The following CLN8 variants were observed in gnomAD, a reference collection of about 807,000 sequenced individuals.
CLN8 encodes the protein CLN8 transmembrane ER and ERGIC protein.
A neutral mutation model predicts 15.7 loss-of-function variants in CLN8; 14 were observed. The observed-to-expected ratio is 0.89, with a 90% CI of 0.59 to 1.39. CLN8 has a LOEUF of 1.39. Among genes scored for constraint, CLN8 ranks in the 40% most tolerant of loss-of-function variants. The pLI is 0.00. For synonymous variants in CLN8, 188 were observed against 151.0 expected, an observed-to-expected ratio of 1.25 and a Z score of -1.80; for missense variants, 415 against 364.0, an observed-to-expected ratio of 1.14 and a Z score of -1.14.
upstream of CLN8, chr8:1,759,360 A>G (rs1264433167): frequency 2.0e-5 from 3 of 152,264 alleles, no homozygotes; most frequent in African/African-American, 7.2e-5. Flanking sequence ...CTCTGAGTGT[A>G]AGAAGAAAAA....
At chr8:1,755,349 C>T (rs138861798), upstream of CLN8, among the ~76,000 whole-genome samples, 1 of 152,234 alleles carries the variant, frequency 6.6e-6, no homozygotes, top group East Asian at 1.9e-4. Context: ...GATTGGATCC[C>T]CACCCGACTC....
At chr8:1,779,041 A>G (rs761395203) in intron 2 of CLN8, among the ~76,000 whole-genome samples, 2 of 152,190 alleles carry the variant, frequency 1.3e-5, no homozygotes, top group Non-Finnish European at 2.9e-5. Flanking sequence ...CAGCTCATGT[A>G]ATTCAGTGAA....
intron 2 of CLN8, chr8:1,772,951 A>G (rs1801372995): frequency 2.5e-6 from 1 of 398,528 alleles, no homozygotes; most frequent in African/African-American, 2.1e-5. Context: ...GAGGAAAAAT[A>G]AGCATAACAA....
intron 1 of CLN8, among the ~76,000 whole-genome samples, chr8:1,766,109 C>G (rs976543597): frequency 6.6e-6 from 1 of 152,198 alleles, no homozygotes; most frequent in Non-Finnish European, 1.5e-5. Flanking sequence ...AGCTAACACT[C>G]TTACTGATGT....
rs375047450 is a variant in CLN8, at chr8:1,784,501, A to G, written c.*3934A>G. ...GGCCCCACCTCTTAATACCACCGCA[A>G]TGACAATTACAATGTCATGTGAATT... On this transcript the variant is annotated 3_prime_UTR_variant, in exon 3 of 3. Transcript: ENST00000331222. The G allele has an allele frequency of 2.6e-5, 4 of 152,234 alleles. No homozygotes were observed. The highest frequency in any genetic ancestry group is 7.2e-5 in the African/African-American group (3 of 41,444). 9.4% of individuals were successfully genotyped at this position (152,234 alleles called of 1,614,324 possible). A position where few individuals can be genotyped will look rare whatever the true frequency, so the allele number is the denominator to read the frequency against.
chr8:1,756,082 G>A (rs1447166555), exon 1 of CLN8: 1 of 152,198 alleles, frequency 6.6e-6, no homozygotes, highest in East Asian at 1.9e-4. Flanking sequence ...AAAACTCTTA[G>A]GTAAGTTTTC....
At chr8:1,763,112 G>A (rs1585122623), upstream of CLN8, 1 of 152,038 alleles carries the variant, frequency 6.6e-6, no homozygotes, top group African/African-American at 2.4e-5. Flanking sequence ...TTGAAGGTCC[G>A]GGGCTTGGGC....
chr8:1,774,156 C>G (rs56255752), intron 2 of CLN8, among the ~76,000 whole-genome samples: 10,917 of 152,232 alleles, frequency 0.072, 466 homozygotes, highest in Non-Finnish European at 0.1. Flanking sequence ...TCTCCCTCCC[C>G]TGGTGTGGTG....
Position 1,782,803 on chromosome 8 carries a change from G to C in CLN8, c.*2236G>C, listed in dbSNP as rs1475326509. On this transcript the variant is annotated 3_prime_UTR_variant, in exon 3 of 3. Transcript: ENST00000331222. ...TAATGATAAATTCATCATGTGTTCA[G>C]AATTCGATTTGGAGTTGGAAGTGGA... is the stretch of plus-strand genomic sequence containing the variant. 6.6e-6 allele frequency: 1 copy of C among 152,226 alleles called. No homozygotes were observed. Among genetic ancestry groups the C allele is most frequent in the Non-Finnish European group, 1.5e-5 (1 of 68,046 alleles). 9.4% of individuals were successfully genotyped at this position (152,226 alleles called of 1,614,324 possible). A position where few individuals can be genotyped will look rare whatever the true frequency, so the allele number is the denominator to read the frequency against.
chr8:1,760,982 G>C (rs183413891), upstream of CLN8, among the ~76,000 whole-genome samples: 2 of 150,152 alleles, frequency 1.3e-5, no homozygotes, highest in African/African-American at 4.9e-5. Flanking sequence ...ATTTCAGTGC[G>C]TAACTACATC....
intron 2 of CLN8, among the ~76,000 whole-genome samples, chr8:1,775,256 G>A (rs1485922762): frequency 6.6e-6 from 1 of 152,204 alleles, no homozygotes; most frequent in African/African-American, 2.4e-5. Context: ...AAGGGACAGT[G>A]TGCTTAGGTT....
chr8:1,771,226 G>C lies in CLN8; in HGVS notation c.172G>C (p.Ala58Pro). ...SLNATYRSLV[A>P]REKVFWDLAA... Reference sequence around the variant, plus strand: ...GAATGCCACTTACCGTTCTTTGGTGGCCAGAGAGAAGGTCTTCTGGGACCT... The same window carrying C: ...GAATGCCACTTACCGTTCTTTGGTGCCCAGAGAGAAGGTCTTCTGGGACCT... Residue 58 changes from alanine (A) to proline (P), a missense_variant, in exon 2 of 3, where the codon GCC becomes CCC. Transcript: ENST00000331222. The C allele has an allele frequency of 6.2e-7, 1 of 1,613,878 alleles. No homozygotes were observed. Among genetic ancestry groups the C allele is most frequent in the Non-Finnish European group, 8.5e-7 (1 of 1,179,850 alleles).
chr8:1,775,388 A>T (rs888339955), intron 2 of CLN8, among the ~76,000 whole-genome samples: 7 of 152,168 alleles, frequency 4.6e-5, no homozygotes, highest in African/African-American at 1.7e-4. Flanking sequence ...TTAAGTATAG[A>T]TGTAACTGCC....
intron 2 of CLN8, chr8:1,772,939 G>C (rs1273725643): frequency 2.5e-6 from 1 of 398,424 alleles, no homozygotes; most frequent in African/African-American, 2.1e-5. Context: ...TGGTAGCCTC[G>C]AGAGGAAAAA....
intron 2 of CLN8, chr8:1,780,010 G>A (rs948884203): frequency 2.0e-6 from 2 of 985,352 alleles, no homozygotes; most frequent in African/African-American, 3.5e-5. Flanking sequence ...AGCAAGAGGA[G>A]CAGGAAAACA....
chr8:1,755,390 C>G (rs368844478), upstream of CLN8, among the ~76,000 whole-genome samples: 2 of 152,314 alleles, frequency 1.3e-5, no homozygotes, highest in East Asian at 3.9e-4. Context: ...TTTTCTCTCA[C>G]TGGCATGGAG....
chr8:1,778,881 A>G (rs111228798), intron 2 of CLN8, among the ~76,000 whole-genome samples: 2,977 of 152,298 alleles, frequency 0.02, 106 homozygotes, highest in African/African-American at 0.067. Context: ...AGCCCACCAT[A>G]AGTTAAAAAT....
At chr8:1,779,320 G>A (rs1428867439) in intron 2 of CLN8, among the ~76,000 whole-genome samples, 1 of 152,194 alleles carries the variant, frequency 6.6e-6, no homozygotes, top group Non-Finnish European at 1.5e-5. Flanking sequence ...TCAGCTCAGT[G>A]CAGTCTCTGC....
At position 1,776,154 on chromosome 8, in the gene CLN8, C is replaced by T. The variant is rs150328459; in HGVS notation, c.544-4096C>T. ...GGGGCACACATGCGTGGCAGTGCCC[C>T]GGCACACAAATGATGACAAAAGATT... On this transcript the variant is annotated intron_variant, in intron 2 of 2. Coordinates refer to ENST00000331222, the MANE Select transcript of CLN8 (RefSeq NM_018941.4). 1.6e-3 allele frequency among the ~76,000 whole-genome samples: 249 copies of T among 151,684 alleles called. 2 individuals are homozygous for T. Among genetic ancestry groups the T allele is most frequent in the African/African-American group, 5.2e-3 (215 of 41,350 alleles).
Sources: gnomAD v4.1 joint callset for allele counts (sites outside exome capture counted in the v4.1 genomes callset) on GRCh38, gnomAD v4.1.1 for gene constraint, MANE v1.5 for transcripts, NCBI Gene and HGNC (gene_info 2026-07-23, HGNC 2026-07-21) for gene names.